PIP4K2C: variants seen among roughly 807,000 people sequenced by gnomAD.
PIP4K2C encodes the protein phosphatidylinositol 5-phosphate 4-kinase type-2 gamma.
Under a neutral mutation model 45.0 loss-of-function variants are expected in PIP4K2C, and 21 were observed. The ratio of observed to expected loss-of-function variants is 0.47; its 90% CI spans 0.33 to 0.67. The LOEUF (loss-of-function observed/expected upper bound fraction) is 0.67. Ranked by LOEUF, PIP4K2C falls within the 30% of genes least tolerant of loss-of-function variation. The pLI, the probability that PIP4K2C is intolerant of heterozygous loss-of-function variation, is 0.02. For synonymous variants in PIP4K2C, 201 were observed against 204.8 expected (o/e 0.98, Z 0.16); for missense variants, 456 against 542.8 (o/e 0.84, Z 1.59).
rs1160431955 is a variant in PIP4K2C, at chr12:57,591,221, C to T, written c.-69C>T. The T allele has an allele frequency of 2.0e-6, 3 of 1,508,682 alleles. No individual in the cohort carries two copies. Among genetic ancestry groups the T allele is most frequent in the Middle Eastern group, 2.1e-4 (1 of 4,744 alleles). 93.5% of individuals were successfully genotyped at this position (1,508,682 alleles called of 1,614,324 possible). A position where few individuals can be genotyped will look rare whatever the true frequency, so the allele number is the denominator to read the frequency against. On this transcript the variant is annotated 5_prime_UTR_variant, in exon 1 of 10. Coordinates refer to ENST00000354947, the MANE Select transcript of PIP4K2C (RefSeq NM_024779.5). ...ACGTGACAGCAGCGCAGGTGAGCGC[C>T]GCTTCCGGGGTCGGGCGCCTGGATA...
rs201317274 is a variant in PIP4K2C, at chr12:57,591,362, G to T, written c.73G>T (p.Ala25Ser). Residue 25 changes from alanine (A) to serine (S), a missense_variant, in exon 1 of 10, where the codon GCC becomes TCC. This residue lies in a region of PIP4K2C where 421 missense variants were observed against 473.1 expected (regional missense o/e 0.89). Coordinates refer to ENST00000354947, the MANE Select transcript of PIP4K2C (RefSeq NM_024779.5). ...AGGCCCCGGCCCAGGTTTCGGCTTC[G>T]CCTCCAAGACCAAGAAGAAGCATTT... ...TAGPGPGFGF[A>S]SKTKKKHFVQ... 6.2e-7 allele frequency: 1 copy of T among 1,613,694 alleles called. No individual in the cohort carries two copies. Among genetic ancestry groups the T allele is most frequent in the East Asian group, 2.2e-5 (1 of 44,852 alleles).
Position 57,599,077 on chromosome 12 carries a change from T to G in PIP4K2C, c.526T>G (p.Cys176Gly). The G allele has an allele frequency of 1.2e-6, 2 of 1,614,122 alleles. No individual in the cohort carries two copies. Among genetic ancestry groups the G allele is most frequent in the Non-Finnish European group, 1.7e-6 (2 of 1,179,972 alleles). Residue 176 changes from cysteine (C) to glycine (G), a missense_variant, in exon 5 of 10, where the codon TGC (cysteine) becomes GGC (glycine). By Grantham distance (159) the Cys-to-Gly change is radical. Transcript: ENST00000354947. Reference protein sequence around the residue: ...LSNYHQYIVKCHGNTLLPQFL... With the variant: ...LSNYHQYIVKGHGNTLLPQFL... ...TCTTTCACTGTAGTACATTGTGAAG[T>G]GCCATGGCAACACGCTTCTGCCCCA...
intron 1 of PIP4K2C, among the ~76,000 whole-genome samples, chr12:57,592,392 T>G (rs1344990000): frequency 6.6e-6 from 1 of 152,218 alleles, no homozygotes; most frequent in Non-Finnish European, 1.5e-5. Context: ...TTGAATATAG[T>G]CATGGCTAGG....
intron 3 of PIP4K2C, 74 bp from the exon 4 acceptor site, chr12:57,595,814 T>G: frequency 4.6e-6 from 7 of 1,535,918 alleles, no homozygotes; most frequent in Non-Finnish European, 6.3e-6. Flanking sequence ...CACTTTCAGC[T>G]GACCATTTTC....
chr12:57,591,234 G>C lies in PIP4K2C; in HGVS notation c.-56G>C. The C allele has an allele frequency of 1.3e-6, 2 of 1,539,690 alleles. No homozygotes were observed. The highest frequency in any genetic ancestry group is 2.3e-5 in the East Asian group (1 of 43,096). On this transcript the variant is annotated 5_prime_UTR_variant, in exon 1 of 10. Transcript: ENST00000354947. ...GCAGGTGAGCGCCGCTTCCGGGGTC[G>C]GGCGCCTGGATAGCTGCCGGCTCCG...
In PIP4K2C at chr12:57,600,864, C is replaced by T; in HGVS notation, c.867C>T (p.Asp289=). 1.2e-6 allele frequency: 2 copies of T among 1,614,206 alleles called. No homozygotes were observed. Among genetic ancestry groups the T allele is most frequent in the Non-Finnish European group, 1.7e-6 (2 of 1,180,050 alleles). The change falls in exon 8 of 10, where the codon GAC becomes GAT. Residue 289 remains aspartate, a synonymous_variant. Transcript: ENST00000354947. ...MDYSLLLGIH[D]IIRGSEPEEE... is the part of the protein sequence containing the mutation. ...ACAGCCTTCTGCTAGGCATCCACGA[C>T]ATCATTCGGGGCTCTGAACCAGAGG... is the stretch of plus-strand genomic sequence containing the variant.
chr12:57,601,497 G>A (rs370107717), intron 9 of PIP4K2C, 29 bp from the exon 10 acceptor site: 78 of 1,596,858 alleles, frequency 4.9e-5, no homozygotes, highest in Non-Finnish European at 5.2e-5. Flanking sequence ...AGGGTGGCCT[G>A]ACATATTGTT....
intron 2 of PIP4K2C, 69 bp from the exon 3 acceptor site, chr12:57,595,056 CT>C: frequency 1.0e-6 from 1 of 986,470 alleles, no homozygotes; most frequent in Non-Finnish European, 1.6e-6. Context: ...TCTGAAGGTA[CT>C]TTATAAACTA....
At chr12:57,596,352 G>A (rs11172262) in intron 4 of PIP4K2C, among the ~76,000 whole-genome samples, 31,122 of 151,900 alleles carry the variant, frequency 0.2, 3,274 homozygotes, top group Middle Eastern at 0.23. Flanking sequence ...GGGCATGATG[G>A]CTCATGCCTG....
chr12:57,597,300 A>C (rs2140188335), intron 4 of PIP4K2C, among the ~76,000 whole-genome samples: 1 of 152,276 alleles, frequency 6.6e-6, no homozygotes, highest in African/African-American at 2.4e-5. Flanking sequence ...TGGGGGAGCG[A>C]TGGTGGTGGG....
intron 4 of PIP4K2C, among the ~76,000 whole-genome samples, chr12:57,598,570 CTTTT>C (rs61639429): frequency 7.3e-6 from 1 of 136,150 alleles, no homozygotes; most frequent in Non-Finnish European, 1.5e-5. Context: ...ATCATGCAGA[CTTTT>C]TTTTTTTTTT....
chr12:57,601,088 C>A lies in PIP4K2C; in HGVS notation c.1081+10C>A. The stretch of plus-strand genomic sequence containing the variant: ...ATCCGGAGTGCTGAAGGTGAGAGAA[C>A]CGGGACAATTTAAGGGTGGAGAGGG... On this transcript the variant is annotated intron_variant, in intron 8 of 9. Transcript: ENST00000354947. 1 of 1,611,738 alleles carries A rather than the reference C, an allele frequency of 6.2e-7. No individual in the cohort carries two copies. Among genetic ancestry groups the A allele is most frequent in the South Asian group, 1.1e-5 (1 of 91,066 alleles).
chr12:57,599,408 A>G lies in PIP4K2C; in HGVS notation c.669A>G (p.Leu223=). 1.2e-6 allele frequency: 2 copies of G among 1,614,076 alleles called. No homozygotes were observed. The highest frequency in any genetic ancestry group is 1.7e-6 in the Non-Finnish European group (2 of 1,180,006). The change falls in exon 6 of 10, where the codon CTA becomes CTG. Residue 223 remains leucine (L), a synonymous_variant. Coordinates refer to ENST00000354947, the MANE Select transcript of PIP4K2C (RefSeq NM_024779.5). ...TTTGGGTCTTTCTGCAGGGTTCCCTAGTGTCCCGGGAAGCCAGCGATAAGG... is the reference window on the plus strand; with the variant it reads ...TTTGGGTCTTTCTGCAGGGTTCCCTGGTGTCCCGGGAAGCCAGCGATAAGG... ...VHRKYDLKGS[L]VSREASDKEK...
Position 57,595,934 on chromosome 12 carries a change from G to A in PIP4K2C, c.416G>A (p.Gly139Asp), listed in dbSNP as rs1165643972. The A allele has an allele frequency of 6.2e-7, 1 of 1,613,992 alleles. No individual in the cohort carries two copies. Among genetic ancestry groups the A allele is most frequent in the South Asian group, 1.1e-5 (1 of 91,068 alleles). The part of the protein sequence containing the change: ...NPPSESEGSD[G>D]RFLISYDRTL... Reference sequence around the variant, plus strand: ...CCCAGCGAAAGTGAAGGCAGTGATGGTCGCTTCCTTATCTCCTACGATCGG... The same window carrying A: ...CCCAGCGAAAGTGAAGGCAGTGATGATCGCTTCCTTATCTCCTACGATCGG... The change falls in exon 4 of 10, where the codon GGT becomes GAT. Residue 139 changes from glycine to aspartate, a missense_variant. Coordinates refer to ENST00000354947, the MANE Select transcript of PIP4K2C (RefSeq NM_024779.5).
rs1882937086 is a variant in PIP4K2C at position 57,591,275 on chromosome 12, G to A, written c.-15G>A. On this transcript the variant is annotated 5_prime_UTR_variant, in exon 1 of 10. Transcript: ENST00000354947. ...GCCGGCTCCGGCTTCCACTTGGTCG[G>A]TTGCGCGGGAGACTATGGCGTCCTC... The A allele has an allele frequency of 1.9e-6, 3 of 1,594,860 alleles. No individual in the cohort carries two copies. Among genetic ancestry groups the A allele is most frequent in the African/African-American group, 2.7e-5 (2 of 74,122 alleles).
intron 4 of PIP4K2C, among the ~76,000 whole-genome samples, chr12:57,598,219 A>T (rs1455250067): frequency 6.6e-6 from 1 of 152,102 alleles, no homozygotes. Flanking sequence ...GAGAATTTTT[A>T]AAAAAGAATC....
chr12:57,599,046 TC>T lies in PIP4K2C; in HGVS notation c.514-14del. 6.2e-7 allele frequency: 1 copy of T among 1,611,816 alleles called. No individual in the cohort carries two copies. The highest frequency in any genetic ancestry group is 1.3e-5 in the African/African-American group (1 of 75,014). ...TGCTACTCAGCCTCTCCCCATTCCT[TC>T]CCCCTCTTTCACTGTAGTACATTGT... is the stretch of plus-strand genomic sequence containing the variant. On this transcript the variant is annotated intron_variant, in intron 4 of 9. Transcript: ENST00000354947.
rs774635098 is a variant in PIP4K2C, at chr12:57,600,782, G to A, written c.814-29G>A. ...ATACCTAGCAGTGAAGAGTGAGAGA[G>A]AGGTGTCTGATTTGTCAGTGGGTCT... On this transcript the variant is annotated intron_variant, in intron 7 of 9. Transcript: ENST00000354947. 12 of 1,613,108 alleles carry A rather than the reference G, an allele frequency of 7.4e-6. No homozygotes were observed. In the South Asian group the frequency reaches 1.2e-4, roughly 16 times the overall value.
Position 57,601,089 on chromosome 12 carries a change from C to A in PIP4K2C, c.1081+11C>A. The A allele has an allele frequency of 1.2e-6, 2 of 1,611,586 alleles. No homozygotes were observed. Among genetic ancestry groups the A allele is most frequent in the Non-Finnish European group, 8.5e-7 (1 of 1,178,872 alleles). On this transcript the variant is annotated intron_variant, in intron 8 of 9. Coordinates refer to ENST00000354947, the MANE Select transcript of PIP4K2C (RefSeq NM_024779.5). Reference sequence around the variant, plus strand: ...TCCGGAGTGCTGAAGGTGAGAGAACCGGGACAATTTAAGGGTGGAGAGGGG... The same window carrying A: ...TCCGGAGTGCTGAAGGTGAGAGAACAGGGACAATTTAAGGGTGGAGAGGGG...
Sources: allele counts gnomAD v4.1 joint callset (sites outside exome capture counted in the v4.1 genomes callset), GRCh38; gene constraint gnomAD v4.1.1; regional missense constraint gnomAD v4.1.1; transcripts MANE v1.5; gene names NCBI Gene and HGNC (gene_info 2026-07-23, HGNC 2026-07-21).